The following SPATA13 variants were observed in gnomAD, a reference collection of about 807,000 sequenced individuals.
SPATA13 encodes the protein spermatogenesis associated 13.
SPATA13 carries 50 observed loss-of-function variants against 104.0 expected under a neutral mutation model. That is an observed-to-expected ratio of 0.48 (90% CI 0.38 to 0.61). The LOEUF is 0.61. SPATA13 is among the 20% of genes least tolerant of loss of function. The pLI is 0.00. For synonymous variants in SPATA13, 606 were observed against 667.5 expected (o/e 0.91, Z 1.42); for missense variants, 1,524 against 1,690.6 (o/e 0.90, Z 1.73).
intron 3 of SPATA13, among the ~76,000 whole-genome samples, chr13:24,149,826 C>T (rs1023852622): frequency 2.6e-5 from 4 of 152,136 alleles, no homozygotes; most frequent in African/African-American, 9.7e-5. Flanking sequence ...AACTTGAACT[C>T]GGTTGTGTGG....
chr13:24,104,236 TG>T (rs1334565452), intron 3 of SPATA13, among the ~76,000 whole-genome samples: 2 of 146,940 alleles, frequency 1.4e-5, no homozygotes, highest in Admixed American at 6.7e-5. Flanking sequence ...AAAGCTAGAA[TG>T]GGTTTTTTTT....
rs112587412 is a variant in SPATA13 at position 24,208,006 on chromosome 13, G to A, written c.-111-14813G>A. 1.0e-3 allele frequency among the ~76,000 whole-genome samples: 155 copies of A among 152,340 alleles called. 2 individuals are homozygous for A. In the Middle Eastern group the frequency reaches 0.01, roughly 10 times the overall value. On this transcript the variant is annotated intron_variant, in intron 1 of 12. Transcript: ENST00000382108. ...TCCTCCTCCACCTCATGTGTAATTA[G>A]GAGTAATTTAGGGAAGTTGGAGCCG...
At chr13:24,260,197 T>G (rs906529590) in intron 4 of SPATA13, among the ~76,000 whole-genome samples, 4 of 152,138 alleles carry the variant, frequency 2.6e-5, no homozygotes, top group Non-Finnish European at 5.9e-5. Flanking sequence ...ATGGAGGAAA[T>G]GACCTCAAAT....
rs865990440 is a variant in SPATA13, at chr13:24,190,365, A to T, written c.-112+29433A>T. Among the ~76,000 whole-genome samples, 187 of 81,300 alleles carry T rather than the reference A, an allele frequency of 2.3e-3. 44 individuals carry two copies. The highest frequency in any genetic ancestry group is 6.9e-3 in the African/African-American group (177 of 25,830). The allele number at this position is 81,300 out of a possible 152,430, so 53.3% of individuals were successfully genotyped here. ...AATATATAATATTATATATTATTAT[A>T]TATAATATATAATATTATATATATA... On this transcript the variant is annotated intron_variant, in intron 1 of 12. Coordinates refer to ENST00000382108, the MANE Select transcript of SPATA13 (RefSeq NM_001166271.3).
rs948740258 is a variant in SPATA13, at chr13:24,249,643, C to T, written c.1820C>T (p.Ser607Leu). The T allele has an allele frequency of 1.8e-5, 29 of 1,613,372 alleles. No homozygotes were observed. Among genetic ancestry groups the T allele is most frequent in the East Asian group, 6.7e-5 (3 of 44,888 alleles). ...ASRSLSIPED[S>L]VAADPQKEDR... Reference sequence around the variant, plus strand: ...CGCAGTTTGTCTATTCCTGAAGACTCGGTTGCTGCAGACCCCCAGAAGGAA... The same window carrying T: ...CGCAGTTTGTCTATTCCTGAAGACTTGGTTGCTGCAGACCCCCAGAAGGAA... The change falls in exon 3 of 13, where the codon TCG becomes TTG. Residue 607 changes from serine (S) to leucine (L), a missense_variant. Ser to Leu is a moderately radical substitution (Grantham distance 145). This residue lies in a region of SPATA13 where 1,089 missense variants were observed against 1,135.9 expected (regional missense o/e 0.96). Transcript: ENST00000382108.
intron 1 of SPATA13, among the ~76,000 whole-genome samples, chr13:24,176,064 G>A (rs968678731): frequency 6.6e-6 from 1 of 152,162 alleles, no homozygotes; most frequent in Non-Finnish European, 1.5e-5. Context: ...AGGCGTGGGG[G>A]ATCTGAGCTT....
At chr13:24,024,602 T>C (rs1227609210) in intron 3 of SPATA13, among the ~76,000 whole-genome samples, 2 of 151,718 alleles carry the variant, frequency 1.3e-5, no homozygotes, top group Non-Finnish European at 2.9e-5. Flanking sequence ...ACGCTGCTGC[T>C]GATCCCGCTA....
intron 3 of SPATA13, among the ~76,000 whole-genome samples, chr13:24,040,290 G>GTCT (rs1346610584): frequency 6.6e-6 from 1 of 152,226 alleles, no homozygotes; most frequent in South Asian, 2.1e-4. Flanking sequence ...GGCCCCGTGT[G>GTCT]TCTCACAAAC....
At chr13:24,300,537 C>A in intron 12 of SPATA13, 62 bp downstream of exon 12, 1 of 1,485,688 alleles carries the variant, frequency 6.7e-7, no homozygotes, top group Non-Finnish European at 9.4e-7. Flanking sequence ...AAAATGGGAG[C>A]ATACCCCAAG....
intron 3 of SPATA13, among the ~76,000 whole-genome samples, chr13:24,064,313 A>C (rs1174540025): frequency 3.3e-5 from 5 of 152,222 alleles, no homozygotes. Flanking sequence ...CATTCAGATT[A>C]CATTTAAATG....
At chr13:24,172,152 G>A (rs1882997976) in intron 1 of SPATA13, among the ~76,000 whole-genome samples, 1 of 152,118 alleles carries the variant, frequency 6.6e-6, no homozygotes, top group African/African-American at 2.4e-5. Flanking sequence ...TTCTCCCTGA[G>A]AGCCACTACT....
intron 2 of SPATA13, among the ~76,000 whole-genome samples, chr13:23,984,997 G>C (rs1029929166): frequency 6.6e-6 from 1 of 152,190 alleles, no homozygotes; most frequent in Non-Finnish European, 1.5e-5. Context: ...CTCTTCAGTT[G>C]CTGCTTTTAT....
chr13:24,018,974 G>A (rs921425218), intron 3 of SPATA13, among the ~76,000 whole-genome samples: 3 of 152,220 alleles, frequency 2.0e-5, no homozygotes, highest in African/African-American at 4.8e-5. Flanking sequence ...AGAATACTGA[G>A]GCATATCTGA....
intron 3 of SPATA13, among the ~76,000 whole-genome samples, chr13:24,129,833 C>T (rs927946078): frequency 2.6e-5 from 4 of 152,220 alleles, no homozygotes; most frequent in African/African-American, 7.2e-5. Context: ...GCCTGTTGTC[C>T]GTGTCCCCTG....
upstream of SPATA13, among the ~76,000 whole-genome samples, chr13:24,160,003 G>A (rs2793486): frequency 0.95 from 143,960 of 152,262 alleles, 68,397 homozygotes; most frequent in East Asian, 0.99. Context: ...TAATGATTAG[G>A]CCTTGAGCCT....
intron 2 of SPATA13, among the ~76,000 whole-genome samples, chr13:24,246,786 C>T (rs886662385): frequency 4.6e-5 from 7 of 151,962 alleles, no homozygotes; most frequent in Non-Finnish European, 1.0e-4. Flanking sequence ...TCACTTGAAC[C>T]TGGGAGGTGG....
Position 24,223,133 on chromosome 13 carries a change from C to A in SPATA13, c.204C>A (p.Ser68Arg). 6.4e-7 allele frequency: 1 copy of A among 1,551,724 alleles called. No individual in the cohort carries two copies. The highest frequency in any genetic ancestry group is 1.2e-5 in the South Asian group (1 of 84,066). The change falls in exon 2 of 13, where the codon AGC becomes AGA. Residue 68 changes from serine to arginine, a missense_variant. Around this residue, in one of 2 missense-constraint regions of SPATA13, gnomAD observed 1,089 missense variants for 1,135.9 expected, o/e 0.96. Transcript: ENST00000382108. ...CGGACACCCAGGAAGCCAAACTCAG[C>A]CCAGCCAAGCTTGTGCGCCTCTTTT... The part of the protein sequence containing the change: ...GDTDTQEAKL[S>R]PAKLVRLFST...
chr13:24,283,094 C>G (rs1875670271), intron 4 of SPATA13, among the ~76,000 whole-genome samples: 1 of 152,194 alleles, frequency 6.6e-6, no homozygotes, highest in African/African-American at 2.4e-5. Flanking sequence ...TGCTTCGAAT[C>G]AAGCCACCTG....
At position 24,307,026 on chromosome 13, in the gene SPATA13, G is replaced by A. The variant is rs1322020475; in HGVS notation, c.*4253G>A. On this transcript the variant is annotated 3_prime_UTR_variant, in exon 13 of 13. Coordinates refer to ENST00000382108, the MANE Select transcript of SPATA13 (RefSeq NM_001166271.3). Reference sequence around the variant, plus strand: ...TTTGAATGATTTTTTTAAATGCTGTGAATCTATATTTGTTGTTTTGTATAT... The same window carrying A: ...TTTGAATGATTTTTTTAAATGCTGTAAATCTATATTTGTTGTTTTGTATAT... The A allele has an allele frequency of 6.6e-6, 1 of 152,220 alleles. No individual in the cohort carries two copies. Among genetic ancestry groups the A allele is most frequent in the South Asian group, 2.1e-4 (1 of 4,832 alleles). 9.4% of individuals were successfully genotyped at this position (152,220 alleles called of 1,614,324 possible).
Sources: gnomAD v4.1 joint callset for allele counts (sites outside exome capture counted in the v4.1 genomes callset) on GRCh38, gnomAD v4.1.1 for gene constraint, gnomAD v4.1.1 regional missense constraint, MANE v1.5 for transcripts, NCBI Gene and HGNC (gene_info 2026-07-23, HGNC 2026-07-21) for gene names.